Variants in SLC24A3 observed in about 807,000 individuals in gnomAD.
SLC24A3 encodes the protein sodium/potassium/calcium exchanger 3.
Under a neutral mutation model 75.8 loss-of-function variants are expected in SLC24A3, and 28 were observed. That is an observed-to-expected ratio of 0.37 (90% CI 0.27 to 0.51). SLC24A3 has a LOEUF of 0.51. SLC24A3 is among the 20% of genes least tolerant of loss of function. The pLI is 0.94. For synonymous variants in SLC24A3, 372 were observed against 334.1 expected, an observed-to-expected ratio of 1.11 and a Z score of -1.24; for missense variants, 663 against 847.8, an observed-to-expected ratio of 0.78 and a Z score of 2.71.
At chr20:19,609,528 G>T (rs570128573) in intron 6 of SLC24A3, among the ~76,000 whole-genome samples, 2 of 151,834 alleles carry the variant, frequency 1.3e-5, no homozygotes, top group African/African-American at 4.8e-5. Context: ...TTTAAGCCCC[G>T]CATGCATTAG....
chr20:19,638,790 A>G (rs1277081572), intron 6 of SLC24A3, among the ~76,000 whole-genome samples: 3 of 152,104 alleles, frequency 2.0e-5, no homozygotes, highest in Non-Finnish European at 4.4e-5. Flanking sequence ...GAAGCCACAG[A>G]CCCTCGCGGT....
chr20:19,650,197 G>A (rs556133467), intron 6 of SLC24A3, among the ~76,000 whole-genome samples: 1 of 152,216 alleles, frequency 6.6e-6, no homozygotes, highest in South Asian at 2.1e-4. Context: ...ATTTTGCTAA[G>A]GGTAGGCTCT....
chr20:19,212,755 A>T lies in SLC24A3; in HGVS notation c.-88A>T. The T allele has an allele frequency of 1.1e-6, 1 of 947,920 alleles. No homozygotes were observed. Among genetic ancestry groups the T allele is most frequent in the African/African-American group, 1.8e-5 (1 of 55,648 alleles). 58.7% of individuals were successfully genotyped at this position (947,920 alleles called of 1,614,324 possible). A position where few individuals can be genotyped will look rare whatever the true frequency, so the allele number is the denominator to read the frequency against. ...GCGAGGACGCGCGGCTGCTGCGCGC[A>T]GGGCTGCCTCCTGCCGCTGTCCCCG... is the stretch of plus-strand genomic sequence containing the variant. On this transcript the variant is annotated 5_prime_UTR_variant, in exon 1 of 17. Coordinates refer to ENST00000328041, the MANE Select transcript of SLC24A3 (RefSeq NM_020689.4).
intron 12 of SLC24A3, among the ~76,000 whole-genome samples, chr20:19,691,343 G>T (rs1371126627): frequency 6.6e-6 from 1 of 152,218 alleles, no homozygotes; most frequent in Non-Finnish European, 1.5e-5. Flanking sequence ...CAAAGTCCTT[G>T]AGGCAGGAAA....
At chr20:19,621,375 T>C (rs2031802747) in intron 6 of SLC24A3, among the ~76,000 whole-genome samples, 1 of 152,154 alleles carries the variant, frequency 6.6e-6, no homozygotes, top group African/African-American at 2.4e-5. Context: ...AGACCTAACT[T>C]CCTCAGAAGT....
At chr20:19,682,591 G>A (rs997708041) in intron 10 of SLC24A3, among the ~76,000 whole-genome samples, 5 of 152,230 alleles carry the variant, frequency 3.3e-5, no homozygotes, top group Admixed American at 1.3e-4. Context: ...GGTTTTGGTT[G>A]TGTGACCATG....
chr20:19,589,937 A>G (rs560905041), intron 6 of SLC24A3, among the ~76,000 whole-genome samples: 1 of 152,116 alleles, frequency 6.6e-6, no homozygotes, highest in East Asian at 1.9e-4. Flanking sequence ...TTCTCCTTCC[A>G]AAAGGGGGAA....
chr20:19,592,151 C>T (rs538555128), intron 6 of SLC24A3, among the ~76,000 whole-genome samples: 11 of 152,252 alleles, frequency 7.2e-5, no homozygotes, highest in African/African-American at 2.6e-4. Context: ...TCATTTTAGC[C>T]ATTCTATTGA....
At chr20:19,631,031 AT>A (rs1325421012) in intron 6 of SLC24A3, among the ~76,000 whole-genome samples, 5 of 152,146 alleles carry the variant, frequency 3.3e-5, no homozygotes, top group Non-Finnish European at 7.4e-5. Flanking sequence ...TGGAATATGG[AT>A]TTTAAGTATT....
chr20:19,698,205 T>C (rs2032832917), intron 14 of SLC24A3, among the ~76,000 whole-genome samples: 1 of 152,200 alleles, frequency 6.6e-6, no homozygotes, highest in Admixed American at 6.5e-5. Context: ...AAACCATTCA[T>C]AAGAAACCAC....
intron 9 of SLC24A3, among the ~76,000 whole-genome samples, chr20:19,679,190 C>T (rs980663733): frequency 6.6e-6 from 1 of 152,044 alleles, no homozygotes; most frequent in African/African-American, 2.4e-5. Context: ...GAGATCACGC[C>T]ACTGCACTCC....
chr20:19,227,973 T>G (rs1600383284), intron 1 of SLC24A3, among the ~76,000 whole-genome samples: 1 of 152,222 alleles, frequency 6.6e-6, no homozygotes, highest in Admixed American at 6.5e-5. Flanking sequence ...TCATAGTGTG[T>G]TTCTTCATTT....
chr20:19,613,931 G>A (rs2031703345), intron 6 of SLC24A3, among the ~76,000 whole-genome samples: 1 of 152,126 alleles, frequency 6.6e-6, no homozygotes, highest in Non-Finnish European at 1.5e-5. Flanking sequence ...GAAATTCTTT[G>A]CGTTCAACCC....
At chr20:19,661,801 C>T (rs188428080) in intron 7 of SLC24A3, among the ~76,000 whole-genome samples, 220 of 152,238 alleles carry the variant, frequency 1.4e-3, no homozygotes, top group African/African-American at 5.1e-3. Flanking sequence ...TTCTCTCCCG[C>T]GTATACTAGG....
At chr20:19,525,813 A>T (rs975779739) in intron 3 of SLC24A3, among the ~76,000 whole-genome samples, 1 of 152,092 alleles carries the variant, frequency 6.6e-6, no homozygotes, top group Non-Finnish European at 1.5e-5. Context: ...GCTTCAGCTG[A>T]AGCTCCCAGC....
intron 2 of SLC24A3, among the ~76,000 whole-genome samples, chr20:19,366,560 C>T (rs971763976): frequency 2.6e-5 from 4 of 152,126 alleles, no homozygotes; most frequent in East Asian, 1.9e-4. Context: ...TTTCTGTCCC[C>T]GAAAACCACT....
intron 7 of SLC24A3, among the ~76,000 whole-genome samples, chr20:19,660,371 A>C (rs1221038539): frequency 6.6e-6 from 1 of 151,598 alleles, no homozygotes; most frequent in Non-Finnish European, 1.5e-5. Context: ...TCCCACTTAT[A>C]AGTGAGAACA....
intron 6 of SLC24A3, among the ~76,000 whole-genome samples, chr20:19,632,201 C>A (rs565785152): frequency 6.6e-6 from 1 of 152,206 alleles, no homozygotes; most frequent in South Asian, 2.1e-4. Context: ...GCCTGGCATG[C>A]GAAGTTCCAT....
chr20:19,547,991 T>C (rs2030628946), intron 3 of SLC24A3, among the ~76,000 whole-genome samples: 1 of 152,138 alleles, frequency 6.6e-6, no homozygotes, highest in Non-Finnish European at 1.5e-5. Flanking sequence ...CCCAGACAAG[T>C]TTTGTTATTT....
Sources: allele counts gnomAD v4.1 joint callset (sites outside exome capture counted in the v4.1 genomes callset), GRCh38; gene constraint gnomAD v4.1.1; transcripts MANE v1.5; gene names NCBI Gene and HGNC (gene_info 2026-07-23, HGNC 2026-07-21).